The following C1orf94 variants were observed in gnomAD, a reference collection of about 807,000 sequenced individuals.
C1orf94 encodes the protein chromosome 1 open reading frame 94.
C1orf94 carries 45 observed loss-of-function variants against 53.6 expected under a neutral mutation model. The observed-to-expected ratio is 0.84, with a 90% CI of 0.66 to 1.08. The LOEUF is 1.08. C1orf94 is among the 50% of genes least tolerant of loss of function. C1orf94 has a pLI of 0.00. For missense variants in C1orf94, 762 were observed against 738.9 expected (o/e 1.03, Z -0.36); for synonymous variants, 304 against 296.1 (o/e 1.03, Z -0.27).
In C1orf94 at chr1:34,197,154, T is replaced by G; in HGVS notation, c.321-71T>G. 7.4e-7 allele frequency: 1 copy of G among 1,354,832 alleles called. No homozygotes were observed. Among genetic ancestry groups the G allele is most frequent in the Non-Finnish European group, 9.9e-7 (1 of 1,008,558 alleles). The allele number at this position is 1,354,832 out of a possible 1,614,324, so 83.9% of individuals were successfully genotyped here. A position where few individuals can be genotyped will look rare whatever the true frequency, so the allele number is the denominator to read the frequency against. On this transcript the variant is annotated intron_variant, in intron 1 of 6. Coordinates refer to ENST00000488417, the MANE Select transcript of C1orf94 (RefSeq NM_001134734.2). This position sits in a 1 kb window ranked among gnomAD's most constrained non-coding sequence, Gnocchi z 4.1. ...GCATCCATCTCCCTTTTCTGGGGCC[T>G]ATGTCCTTCTGCAAAGCCACGCCTT...
At chr1:34,212,502 T>C in intron 6 of C1orf94, 96 bp downstream of exon 6, 1 of 1,259,514 alleles carries the variant, frequency 7.9e-7, no homozygotes, top group Non-Finnish European at 1.1e-6. Context: ...TTAGTATGTG[T>C]GTTCCATGGC....
chr1:34,173,126 T>C (rs1642171544), upstream of C1orf94, among the ~76,000 whole-genome samples: 2 of 152,230 alleles, frequency 1.3e-5, no homozygotes, highest in Admixed American at 6.5e-5. Flanking sequence ...GTCATAAAAA[T>C]TTCATTGCAT....
intron 1 of C1orf94, among the ~76,000 whole-genome samples, chr1:34,188,000 C>A (rs1642414998): frequency 1.3e-5 from 2 of 152,068 alleles, no homozygotes; most frequent in African/African-American, 4.8e-5. Context: ...TGCACCATTG[C>A]ATCAAAACCA....
intron 4 of C1orf94, among the ~76,000 whole-genome samples, chr1:34,203,519 G>T (rs1642748027): frequency 1.3e-5 from 2 of 152,176 alleles, no homozygotes; most frequent in African/African-American, 4.8e-5. Context: ...TATCCACAGG[G>T]CAGGGGAGGG....
At position 34,197,832 on chromosome 1, in the gene C1orf94, C is replaced by A; in HGVS notation, c.928C>A (p.Gln310Lys). ...RPDKLPELPA[Q>K]KRQLPVFAKI... ...TGACAAGCTCCCTGAGCTCCCTGCT[C>A]AGAAGAGGCAGCTCCCAGTGTTTGC... Residue 310 changes from glutamine (Q) to lysine (K), a missense_variant, in exon 2 of 7, where the codon CAG becomes AAG. Coordinates refer to ENST00000488417, the MANE Select transcript of C1orf94 (RefSeq NM_001134734.2). This position sits in a 1 kb window ranked among gnomAD's most constrained non-coding sequence, Gnocchi z 4.1. 6.2e-7 allele frequency: 1 copy of A among 1,614,212 alleles called. No individual in the cohort carries two copies. The highest frequency in any genetic ancestry group is 8.5e-7 in the Non-Finnish European group (1 of 1,180,024).
At chr1:34,209,913 T>TA (rs924871356) in intron 5 of C1orf94, among the ~76,000 whole-genome samples, 2 of 152,202 alleles carry the variant, frequency 1.3e-5, no homozygotes, top group Admixed American at 1.3e-4. Context: ...AAAAACATGG[T>TA]AAAAAATTTT....
At chr1:34,195,770 C>T (rs1642568420) in intron 1 of C1orf94, among the ~76,000 whole-genome samples, 1 of 147,596 alleles carries the variant, frequency 6.8e-6, no homozygotes, top group Non-Finnish European at 1.5e-5. Context: ...CTGCCTGTTT[C>T]TGTTCGTGGG....
chr1:34,188,802 T>C (rs941917800), intron 1 of C1orf94, among the ~76,000 whole-genome samples: 1 of 152,124 alleles, frequency 6.6e-6, no homozygotes, highest in South Asian at 2.1e-4. Flanking sequence ...ATCAGGAAAG[T>C]CCCAGGAGAC....
chr1:34,174,215 A>G (rs1642188314), upstream of C1orf94, among the ~76,000 whole-genome samples: 1 of 152,252 alleles, frequency 6.6e-6, no homozygotes, highest in African/African-American at 2.4e-5. Context: ...CTCCCTCTCT[A>G]CACAAAACAC....
Position 34,218,711 on chromosome 1 carries a change from T to C in C1orf94, c.1747T>C (p.Leu583=), listed in dbSNP as rs763493301. Residue 583 remains leucine (L), a synonymous_variant, in exon 7 of 7, where the codon TTG becomes CTG. Coordinates refer to ENST00000488417, the MANE Select transcript of C1orf94 (RefSeq NM_001134734.2). ...YGFGSTSGGP[L]MHSPYFSSSG... is the part of the protein sequence containing the mutation. The stretch of plus-strand genomic sequence containing the variant: ...GTTCGGCTCGACATCCGGAGGGCCC[T>C]TGATGCACAGCCCCTATTTTTCTTC... 37 of 1,612,704 alleles carry C rather than the reference T, an allele frequency of 2.3e-5. No homozygotes were observed. Among genetic ancestry groups the C allele is most frequent in the South Asian group, 8.8e-5 (8 of 90,860 alleles).
chr1:34,190,781 G>T (rs578156956), intron 1 of C1orf94, among the ~76,000 whole-genome samples: 235 of 152,252 alleles, frequency 1.5e-3, no homozygotes, highest in Non-Finnish European at 2.9e-3. Flanking sequence ...CTGTCCCTTG[G>T]CTTCTTCATT....
At chr1:34,210,973 T>A (rs1452777821) in intron 5 of C1orf94, among the ~76,000 whole-genome samples, 3 of 151,858 alleles carry the variant, frequency 2.0e-5, no homozygotes, top group Non-Finnish European at 4.4e-5. Flanking sequence ...TTTTTTTTTT[T>A]AGATAAGGGT....
At position 34,200,822 on chromosome 1, in the gene C1orf94, C is replaced by T. The variant is rs770572991; in HGVS notation, c.1060C>T (p.Leu354Phe). 8.1e-6 allele frequency: 13 copies of T among 1,614,160 alleles called. No individual in the cohort carries two copies. Among genetic ancestry groups the T allele is most frequent in the Non-Finnish European group, 1.1e-5 (13 of 1,180,020 alleles). ...EPKKGQGSLF[L>F]SQWPQSQKDA... Reference sequence around the variant, plus strand: ...AAAAAAGGGTCAAGGGAGCCTCTTTCTCAGCCAGTGGCCCCAGAGCCAGAA... The same window carrying T: ...AAAAAAGGGTCAAGGGAGCCTCTTTTTCAGCCAGTGGCCCCAGAGCCAGAA... Residue 354 changes from leucine (L) to phenylalanine (F), a missense_variant, in exon 3 of 7, where the codon CTC becomes TTC. Physicochemically the swap from Leu to Phe is conservative, Grantham distance 22. Coordinates refer to ENST00000488417, the MANE Select transcript of C1orf94 (RefSeq NM_001134734.2).
At chr1:34,188,662 G>C (rs907832928) in intron 1 of C1orf94, among the ~76,000 whole-genome samples, 5 of 152,136 alleles carry the variant, frequency 3.3e-5, no homozygotes, top group Admixed American at 6.5e-5. Context: ...CATAGCGCTC[G>C]TTACAATTTA....
At chr1:34,189,689 CT>C (rs765644594) in intron 1 of C1orf94, among the ~76,000 whole-genome samples, 4 of 152,214 alleles carry the variant, frequency 2.6e-5, no homozygotes, top group Non-Finnish European at 5.9e-5. Context: ...TAAGGGGCCT[CT>C]CCTAGCCTGG....
At chr1:34,178,133 G>T in intron 1 of C1orf94, 24 bp downstream of exon 1, 2 of 1,540,512 alleles carry the variant, frequency 1.3e-6, no homozygotes, top group Non-Finnish European at 1.8e-6. Context: ...TACTCCATTG[G>T]CAGCAAGGGA....
chr1:34,217,818 C>T (rs1643015153), intron 6 of C1orf94, among the ~76,000 whole-genome samples: 1 of 152,104 alleles, frequency 6.6e-6, no homozygotes, highest in African/African-American at 2.4e-5. Flanking sequence ...ATGCATCTGC[C>T]CAGCTGAAAA....
At chr1:34,193,762 C>A (rs1642535335) in intron 1 of C1orf94, among the ~76,000 whole-genome samples, 1 of 152,192 alleles carries the variant, frequency 6.6e-6, no homozygotes, top group African/African-American at 2.4e-5. Context: ...CTGTGTGGCC[C>A]ATAGTAGGCT....
Position 34,218,956 on chromosome 1 carries a change from T to TAC in C1orf94, c.*213_*214dup, listed in dbSNP as rs67041028. On this transcript the variant is annotated 3_prime_UTR_variant, in exon 7 of 7. Coordinates refer to ENST00000488417, the MANE Select transcript of C1orf94 (RefSeq NM_001134734.2). ...AGCCCTCCTCACACATGGCACAAGC[T>TAC]ACACACACACACACACACATGACCC... is the stretch of plus-strand genomic sequence containing the variant. 3.3e-3 allele frequency: 1,225 copies of TAC among 371,516 alleles called. 3 individuals carry two copies. Among genetic ancestry groups the TAC allele is most frequent in the Admixed American group, 7.0e-3 (135 of 19,410 alleles). 23.0% of individuals were successfully genotyped at this position (371,516 alleles called of 1,614,324 possible).
Sources: allele counts gnomAD v4.1 joint callset (sites outside exome capture counted in the v4.1 genomes callset), GRCh38; gene constraint gnomAD v4.1.1; non-coding constraint Gnocchi (gnomAD v3.1); transcripts MANE v1.5; gene names NCBI Gene and HGNC (gene_info 2026-07-23, HGNC 2026-07-21).